Variants in HCRTR2 observed in about 807,000 individuals in gnomAD.
HCRTR2 encodes the protein orexin receptor type 2.
A neutral mutation model predicts 49.0 loss-of-function variants in HCRTR2; 22 were observed. That is an observed-to-expected ratio of 0.45 (90% CI 0.32 to 0.64). The LOEUF is 0.64. HCRTR2 is among the 30% of genes least tolerant of loss of function. The pLI is 0.04. For missense variants in HCRTR2, 491 were observed against 559.4 expected (o/e 0.88, Z 1.23); for synonymous variants, 236 against 205.3 (o/e 1.15, Z -1.28).
At chr6:55,136,005 C>T (rs1764428895) in intron 1 of HCRTR2, among the ~76,000 whole-genome samples, 1 of 152,136 alleles carries the variant, frequency 6.6e-6, no homozygotes, top group Non-Finnish European at 1.5e-5. Context: ...GCCTGCTTCC[C>T]TTCTCAGTCT....
At chr6:55,257,040 C>A (rs1247478690) in intron 3 of HCRTR2, among the ~76,000 whole-genome samples, 1 of 151,992 alleles carries the variant, frequency 6.6e-6, no homozygotes, top group Non-Finnish European at 1.5e-5. Flanking sequence ...AAAAATTCTC[C>A]AGACTGAGAA....
intron 1 of HCRTR2, among the ~76,000 whole-genome samples, chr6:55,112,047 T>C (rs548139893): frequency 6.6e-5 from 10 of 152,130 alleles, no homozygotes; most frequent in African/African-American, 1.2e-4. Context: ...AAAAATCACA[T>C]GATCATCTCA....
intron 4 of HCRTR2, among the ~76,000 whole-genome samples, chr6:55,270,900 G>A (rs1304074654): frequency 6.6e-6 from 1 of 151,910 alleles, no homozygotes; most frequent in East Asian, 1.9e-4. Flanking sequence ...ACTTAAAGAA[G>A]GACTACCTAA....
Position 55,248,717 on chromosome 6 carries a change from T to G in HCRTR2, c.302T>G (p.Val101Gly). 6.2e-7 allele frequency: 1 copy of G among 1,613,316 alleles called. No individual in the cohort carries two copies. The highest frequency in any genetic ancestry group is 8.5e-7 in the Non-Finnish European group (1 of 1,179,346). Reference sequence around the variant, plus strand: ...ATAGTCAATCTTTCTCTGGCTGATGTGCTCGTGACCATCACCTGCCTTCCA... The same window carrying G: ...ATAGTCAATCTTTCTCTGGCTGATGGGCTCGTGACCATCACCTGCCTTCCA... ...YFIVNLSLAD[V>G]LVTITCLPAT... Residue 101 changes from valine (V) to glycine (G), a missense_variant, in exon 2 of 7, where the codon GTG becomes GGG. Val to Gly is a moderately radical substitution (Grantham distance 109). Transcript: ENST00000370862.
At chr6:55,153,098 A>AT (rs1764684634) in intron 1 of HCRTR2, among the ~76,000 whole-genome samples, 1 of 151,682 alleles carries the variant, frequency 6.6e-6, no homozygotes, top group African/African-American at 2.4e-5. Flanking sequence ...ACTTGATTTT[A>AT]TTTTTTGCAT....
At chr6:55,255,101 T>A in intron 2 of HCRTR2, 35 bp from the exon 3 acceptor site, 1 of 1,611,724 alleles carries the variant, frequency 6.2e-7, no homozygotes, top group Non-Finnish European at 8.5e-7. Context: ...TAACAGCTGG[T>A]GCTTCTCTAT....
At chr6:55,169,300 C>T (rs916813459) in intron 1 of HCRTR2, among the ~76,000 whole-genome samples, 9 of 151,386 alleles carry the variant, frequency 5.9e-5, no homozygotes, top group East Asian at 3.9e-4. Context: ...CAAGATGGAA[C>T]GGAGAGAACC....
intron 6 of HCRTR2, 142 bp downstream of exon 6, chr6:55,280,586 CT>C: frequency 9.0e-7 from 1 of 1,107,924 alleles, no homozygotes; most frequent in Non-Finnish European, 1.3e-6. Context: ...AGTTTCTTCT[CT>C]TTTGAGGCAA....
intron 4 of HCRTR2, among the ~76,000 whole-genome samples, chr6:55,274,248 T>TAATGAA: frequency 3.3e-5 from 4 of 121,058 alleles, no homozygotes; most frequent in Non-Finnish European, 7.3e-5. Context: ...AGTATATATA[T>TAATGAA]ATATATATAA....
At chr6:55,146,521 T>C (rs1764582314) in intron 1 of HCRTR2, among the ~76,000 whole-genome samples, 1 of 150,436 alleles carries the variant, frequency 6.6e-6, no homozygotes, top group Admixed American at 6.6e-5. Context: ...ATGTTGCAGA[T>C]AAAGTACCTG....
intron 1 of HCRTR2, among the ~76,000 whole-genome samples, chr6:55,164,659 G>T (rs1290271042): frequency 6.6e-6 from 1 of 152,096 alleles, no homozygotes; most frequent in Non-Finnish European, 1.5e-5. Flanking sequence ...AACATTAGGA[G>T]AAATACATAA....
At chr6:55,129,328 G>A (rs1049733286) in intron 1 of HCRTR2, among the ~76,000 whole-genome samples, 2 of 151,998 alleles carry the variant, frequency 1.3e-5, no homozygotes, top group Non-Finnish European at 2.9e-5. Flanking sequence ...TCCTAAATGT[G>A]CCAACTTCCT....
chr6:55,241,861 ATTTTTTT>A (rs917427627), intron 1 of HCRTR2, among the ~76,000 whole-genome samples: 7 of 92,524 alleles, frequency 7.6e-5, no homozygotes, highest in African/African-American at 1.7e-4. Flanking sequence ...ATGGCAACTA[ATTTTTTT>A]TTTTTTTTTT....
At position 55,230,843 on chromosome 6, in the gene HCRTR2, G is replaced by T. The variant is rs1443575466; in HGVS notation, c.224-17796G>T. ...TTATTATCCAATGAAACAGGTCAAA[G>T]ATTTTTTTTTTTTTTTACGGTTCAT... On this transcript the variant is annotated intron_variant, in intron 1 of 6. Coordinates refer to ENST00000370862, the MANE Select transcript of HCRTR2 (RefSeq NM_001384272.1). Among the ~76,000 whole-genome samples the T allele has an allele frequency of 2.2e-5, 3 of 133,908 alleles. No homozygotes were observed. The East Asian group carries it at 6.0e-4, about 27-fold the overall frequency. 87.8% of individuals were successfully genotyped at this position (133,908 alleles called of 152,430 possible).
intron 1 of HCRTR2, among the ~76,000 whole-genome samples, chr6:55,193,501 CA>C (rs1373903831): frequency 1.6e-4 from 24 of 151,296 alleles, no homozygotes; most frequent in Non-Finnish European, 3.4e-4. Context: ...ACAACAACAA[CA>C]ACAAAACTTT....
In HCRTR2 at chr6:55,277,374, T is replaced by G; in HGVS notation, c.763-6T>G. The G allele has an allele frequency of 1.9e-6, 3 of 1,611,046 alleles. No homozygotes were observed. Among genetic ancestry groups the G allele is most frequent in the Non-Finnish European group, 2.5e-6 (3 of 1,177,266 alleles). On this transcript the variant is annotated splice_polypyrimidine_tract_variant and splice_region_variant and intron_variant, in intron 4 of 6. Transcript: ENST00000370862. ...TGCAATAAGGGTCTGTCTCTTCTCC[T>G]TTCAGATCCCTGGAACATCATCTGT...
chr6:55,194,815 A>G (rs896204895), intron 1 of HCRTR2, among the ~76,000 whole-genome samples: 5 of 152,140 alleles, frequency 3.3e-5, no homozygotes, highest in South Asian at 2.1e-4. Context: ...CATTAATGAC[A>G]GTGCTTTATC....
At chr6:55,123,611 G>A (rs141604290) in intron 1 of HCRTR2, among the ~76,000 whole-genome samples, 10 of 152,160 alleles carry the variant, frequency 6.6e-5, no homozygotes, top group Non-Finnish European at 1.2e-4. Context: ...TCTCTGCCAG[G>A]TTTTGCTATT....
At chr6:55,165,885 A>G (rs1764871371) in intron 1 of HCRTR2, among the ~76,000 whole-genome samples, 1 of 151,576 alleles carries the variant, frequency 6.6e-6, no homozygotes, top group Non-Finnish European at 1.5e-5. Flanking sequence ...ACAAATGACC[A>G]ACAAGTTCAT....
Sources: gnomAD v4.1 joint callset for allele counts (sites outside exome capture counted in the v4.1 genomes callset) on GRCh38, gnomAD v4.1.1 for gene constraint, MANE v1.5 for transcripts, NCBI Gene and HGNC (gene_info 2026-07-23, HGNC 2026-07-21) for gene names.